Variants in PTPRT observed in about 807,000 individuals in gnomAD.
The protein encoded by PTPRT is protein tyrosine phosphatase receptor type T.
In PTPRT, 56 loss-of-function variants were observed where a neutral mutation model predicts 176.8. That is an observed-to-expected ratio of 0.32 (90% CI 0.26 to 0.40). The LOEUF (loss-of-function observed/expected upper bound fraction) is 0.40, where lower values mean the gene tolerates loss of function less well. Ranked by LOEUF, PTPRT falls within the 10% of genes least tolerant of loss-of-function variation. The probability of loss-of-function intolerance (pLI) is 1.00; values close to 1 mark genes in which losing one functional copy is unlikely to be tolerated. For synonymous variants in PTPRT, 783 were observed against 739.0 expected, an observed-to-expected ratio of 1.06 and a Z score of -0.96; for missense variants, 1,540 against 1,908.2, an observed-to-expected ratio of 0.81 and a Z score of 3.60.
intron 13 of PTPRT, among the ~76,000 whole-genome samples, chr20:42,280,325 C>T (rs2057118337): frequency 6.6e-6 from 1 of 152,158 alleles, no homozygotes; most frequent in Non-Finnish European, 1.5e-5. Flanking sequence ...AAGCATCCTT[C>T]TTATCTGATG....
intron 1 of PTPRT, among the ~76,000 whole-genome samples, chr20:43,015,384 T>G (rs958412572): frequency 6.6e-6 from 1 of 152,240 alleles, no homozygotes; most frequent in African/African-American, 2.4e-5. Context: ...AACTCCATTC[T>G]TTGTGCTTTT....
At chr20:42,376,409 A>G (rs2058649222) in intron 9 of PTPRT, among the ~76,000 whole-genome samples, 1 of 152,328 alleles carries the variant, frequency 6.6e-6, no homozygotes, top group African/African-American at 2.4e-5. Flanking sequence ...GTTGCACTCT[A>G]TGACAGTGAT....
intron 15 of PTPRT, among the ~76,000 whole-genome samples, chr20:42,203,111 G>A (rs6016717): frequency 0.22 from 32,943 of 152,054 alleles, 4,076 homozygotes; most frequent in African/African-American, 0.31. Context: ...TCATTTTAAT[G>A]TATGGATAGA....
At chr20:42,253,355 G>A (rs551258872) in intron 13 of PTPRT, among the ~76,000 whole-genome samples, 4 of 152,264 alleles carry the variant, frequency 2.6e-5, no homozygotes, top group South Asian at 2.1e-4. Flanking sequence ...CCCCAAAATC[G>A]AAAGGGACTT....
intron 1 of PTPRT, among the ~76,000 whole-genome samples, chr20:42,920,089 A>G (rs995242496): frequency 6.6e-5 from 10 of 152,212 alleles, no homozygotes. Flanking sequence ...TATTAAAAGA[A>G]GCTCTTTGGC....
rs371303193 is a variant in PTPRT, at chr20:42,733,009, C to T, written c.859+23453G>A. On this transcript the variant is annotated intron_variant, in intron 6 of 30. Coordinates refer to ENST00000373187, the MANE Select transcript of PTPRT (RefSeq NM_007050.6). The stretch of plus-strand genomic sequence containing the variant: ...GTTTTAGGATGAATAAATGGGAACA[C>T]TGATATCTCGAGAGGCCTTCTCAGC... 7.9e-5 allele frequency among the ~76,000 whole-genome samples: 12 copies of T among 152,288 alleles called. 1 individual carries two copies. In the East Asian group the frequency reaches 1.9e-3, roughly 25 times the overall value.
At chr20:43,032,426 T>C (rs1986175478) in intron 1 of PTPRT, among the ~76,000 whole-genome samples, 1 of 149,152 alleles carries the variant, frequency 6.7e-6, no homozygotes, top group South Asian at 2.1e-4. Flanking sequence ...TCGGTGATTA[T>C]CTAAATTTTC....
At chr20:42,365,049 G>A (rs2058495033) in intron 9 of PTPRT, among the ~76,000 whole-genome samples, 1 of 152,194 alleles carries the variant, frequency 6.6e-6, no homozygotes, top group South Asian at 2.1e-4. Context: ...GGGAAAAAAG[G>A]CAAAGAGAAG....
chr20:42,428,313 G>A (rs760463492), intron 9 of PTPRT, among the ~76,000 whole-genome samples: 3 of 152,144 alleles, frequency 2.0e-5, no homozygotes, highest in Non-Finnish European at 4.4e-5. Flanking sequence ...TCATCCTGGT[G>A]GCCCAGGTTA....
At chr20:42,268,029 G>C (rs2056868042) in intron 13 of PTPRT, among the ~76,000 whole-genome samples, 1 of 152,192 alleles carries the variant, frequency 6.6e-6, no homozygotes, top group Non-Finnish European at 1.5e-5. Flanking sequence ...CCGAATGCCA[G>C]CCTGTCCCTG....
At chr20:43,085,964 C>A (rs917871840) in intron 1 of PTPRT, among the ~76,000 whole-genome samples, 7 of 152,050 alleles carry the variant, frequency 4.6e-5, no homozygotes, top group African/African-American at 7.2e-5. Flanking sequence ...CCCACCCCCC[C>A]ACAACTGAAA....
At chr20:42,831,231 T>G (rs2078080664) in intron 2 of PTPRT, among the ~76,000 whole-genome samples, 1 of 152,096 alleles carries the variant, frequency 6.6e-6, no homozygotes, top group South Asian at 2.1e-4. Flanking sequence ...GCCCCACACC[T>G]ACAACCATCT....
At chr20:42,961,563 A>G (rs1392931152) in intron 1 of PTPRT, among the ~76,000 whole-genome samples, 1 of 152,214 alleles carries the variant, frequency 6.6e-6, no homozygotes, top group African/African-American at 2.4e-5. Context: ...CACAGAAATG[A>G]GCAAAGATGT....
chr20:42,617,850 A>C (rs1463496352), intron 7 of PTPRT, among the ~76,000 whole-genome samples: 3 of 136,674 alleles, frequency 2.2e-5, no homozygotes, highest in East Asian at 4.0e-4. Flanking sequence ...ATTAGTCTTG[A>C]TAGTGGTCTA....
rs184024442 is a variant in PTPRT, at chr20:42,228,285, C to T, written c.2342+7944G>A. ...ACTGAAATATAAACACCTTTTGCCA[C>T]CTTTGGAGGTAAAATTTGTATTTTT... On this transcript the variant is annotated intron_variant, in intron 15 of 30. Coordinates refer to ENST00000373187, the MANE Select transcript of PTPRT (RefSeq NM_007050.6). Among the ~76,000 whole-genome samples the T allele has an allele frequency of 8.5e-5, 13 of 152,324 alleles. No homozygotes were observed. The East Asian group carries it at 2.5e-3, about 29-fold the overall frequency.
intron 1 of PTPRT, among the ~76,000 whole-genome samples, chr20:43,072,903 C>A (rs144678229): frequency 6.6e-6 from 1 of 152,152 alleles, no homozygotes; most frequent in African/African-American, 2.4e-5. Flanking sequence ...AAGCTCACAT[C>A]CTTTTAAGTT....
chr20:42,178,886 A>G (rs1002118420), intron 16 of PTPRT, among the ~76,000 whole-genome samples: 2 of 152,216 alleles, frequency 1.3e-5, no homozygotes, highest in Non-Finnish European at 2.9e-5. Flanking sequence ...ACAATATAGT[A>G]GCTAGCTTCC....
intron 7 of PTPRT, among the ~76,000 whole-genome samples, chr20:42,532,236 A>T (rs565224647): frequency 6.6e-6 from 1 of 152,250 alleles, no homozygotes; most frequent in East Asian, 1.9e-4. Flanking sequence ...TTTGAGCCTC[A>T]GCTTCCATCT....
chr20:42,071,555 T>C (rs1255294819), downstream of PTPRT, among the ~76,000 whole-genome samples: 3 of 152,218 alleles, frequency 2.0e-5, no homozygotes, highest in Non-Finnish European at 4.4e-5. Flanking sequence ...CCTGGTGTAA[T>C]GGTGTAGGTG....
Sources: allele counts gnomAD v4.1 joint callset (sites outside exome capture counted in the v4.1 genomes callset), GRCh38; gene constraint gnomAD v4.1.1; transcripts MANE v1.5; gene names NCBI Gene and HGNC (gene_info 2026-07-23, HGNC 2026-07-21).